The following CAMKMT variants were observed in gnomAD, a reference collection of about 807,000 sequenced individuals.
The protein encoded by CAMKMT is calmodulin-lysine N-methyltransferase.
In CAMKMT, 53 loss-of-function variants were observed where a neutral mutation model predicts 48.0. The observed-to-expected ratio is 1.10, with a 90% CI of 0.89 to 1.39. CAMKMT has a LOEUF of 1.39. Among genes scored for constraint, CAMKMT ranks in the 40% most tolerant of loss-of-function variants. The pLI is 0.00. For synonymous variants in CAMKMT, 165 were observed against 152.3 expected, an observed-to-expected ratio of 1.08 and a Z score of -0.61; for missense variants, 428 against 402.7, an observed-to-expected ratio of 1.06 and a Z score of -0.54.
chr2:44,753,442 A>G (rs2104388523), intron 8 of CAMKMT, among the ~76,000 whole-genome samples: 1 of 151,146 alleles, frequency 6.6e-6, no homozygotes. Context: ...CAAAGAAAAG[A>G]AAAAAAACAA....
intron 9 of CAMKMT, among the ~76,000 whole-genome samples, chr2:44,761,726 C>T (rs190156082): frequency 2.0e-5 from 3 of 152,214 alleles, no homozygotes; most frequent in Admixed American, 6.5e-5. Context: ...AGCTTTATTT[C>T]GAAAGTGACA....
At position 44,663,184 on chromosome 2, in the gene CAMKMT, A is replaced by G. The variant is rs546797459; in HGVS notation, c.377-41099A>G. ...CATGATCCACACTCAAGTCTCACCA[A>G]TTATCCCACTAAGGTCCTTTATAGT... On this transcript the variant is annotated intron_variant, in intron 3 of 10. Transcript: ENST00000378494. Among the ~76,000 whole-genome samples, 12 of 152,326 alleles carry G rather than the reference A, an allele frequency of 7.9e-5. No homozygotes were observed. The South Asian group carries it at 1.9e-3, about 24-fold the overall frequency.
At chr2:44,376,112 A>G (rs1162911030) in intron 2 of CAMKMT, among the ~76,000 whole-genome samples, 4 of 151,942 alleles carry the variant, frequency 2.6e-5, no homozygotes, top group Admixed American at 1.3e-4. Context: ...TTAAGGGGCT[A>G]AGCATTGGAG....
At chr2:44,496,652 G>C (rs1487925558) in intron 3 of CAMKMT, among the ~76,000 whole-genome samples, 1 of 152,148 alleles carries the variant, frequency 6.6e-6, no homozygotes, top group Non-Finnish European at 1.5e-5. Flanking sequence ...ATTAATATCT[G>C]GTGGTCTTCT....
At chr2:44,756,906 A>G (rs1049449968) in intron 9 of CAMKMT, among the ~76,000 whole-genome samples, 5 of 152,188 alleles carry the variant, frequency 3.3e-5, no homozygotes, top group Non-Finnish European at 7.3e-5. Flanking sequence ...TCAAGTTCAT[A>G]GTGTGGCCCC....
chr2:44,422,196 G>A (rs1014535286), intron 3 of CAMKMT, among the ~76,000 whole-genome samples: 46 of 152,132 alleles, frequency 3.0e-4, no homozygotes, highest in African/African-American at 9.9e-4. Context: ...GTAGCTCCTC[G>A]CTTGCACTGT....
At chr2:44,363,760 G>A (rs1678281462) in intron 1 of CAMKMT, among the ~76,000 whole-genome samples, 1 of 149,846 alleles carries the variant, frequency 6.7e-6, no homozygotes, top group Admixed American at 6.7e-5. Context: ...CGCAATCTCG[G>A]CTCACTGCAG....
intron 3 of CAMKMT, among the ~76,000 whole-genome samples, chr2:44,682,058 G>A (rs1304167890): frequency 6.6e-6 from 1 of 152,152 alleles, no homozygotes; most frequent in African/African-American, 2.4e-5. Context: ...AATATTAAAA[G>A]TCCAAAGATG....
chr2:44,466,741 C>G lies in CAMKMT; in HGVS notation c.376+76436C>G, dbSNP rs772125987. The stretch of plus-strand genomic sequence containing the variant: ...AACTAAGATGGCTTTTAGAAAATAT[C>G]AACAAAATTGACTAGCCATTAGCTA... On this transcript the variant is annotated intron_variant, in intron 3 of 10. Transcript: ENST00000378494. Among the ~76,000 whole-genome samples the G allele has an allele frequency of 9.4e-4, 142 of 151,796 alleles. 1 individual carries two copies. The highest frequency in any genetic ancestry group is 4.6e-4 in the Non-Finnish European group (31 of 67,882).
chr2:44,407,053 T>C (rs1558585939), intron 3 of CAMKMT, among the ~76,000 whole-genome samples: 1 of 152,324 alleles, frequency 6.6e-6, no homozygotes, highest in Non-Finnish European at 1.5e-5. Flanking sequence ...CCAAAAGTGG[T>C]CATGCCTCTT....
chr2:44,705,285 C>A, intron 4 of CAMKMT: 3 of 897,882 alleles, frequency 3.3e-6, no homozygotes, highest in Non-Finnish European at 2.7e-6. Flanking sequence ...ACCTCTCCCT[C>A]TCTTTTAATT....
intron 3 of CAMKMT, among the ~76,000 whole-genome samples, chr2:44,480,454 A>G (rs1158840440): frequency 2.0e-5 from 3 of 152,238 alleles, no homozygotes; most frequent in Non-Finnish European, 4.4e-5. Flanking sequence ...AAAATGCTAA[A>G]TAAAACTAGT....
intron 3 of CAMKMT, among the ~76,000 whole-genome samples, chr2:44,580,716 C>T (rs1669508516): frequency 6.6e-6 from 1 of 152,124 alleles, no homozygotes; most frequent in Non-Finnish European, 1.5e-5. Flanking sequence ...AATAACAGTG[C>T]AATCATAGCA....
intron 3 of CAMKMT, among the ~76,000 whole-genome samples, chr2:44,606,331 A>G (rs1389286741): frequency 1.3e-5 from 2 of 152,212 alleles, no homozygotes; most frequent in Admixed American, 1.3e-4. Context: ...TGAAACGATT[A>G]CCTCTCAAAA....
At chr2:44,395,740 T>C (rs1243522962) in intron 3 of CAMKMT, among the ~76,000 whole-genome samples, 2 of 152,168 alleles carry the variant, frequency 1.3e-5, no homozygotes, top group Non-Finnish European at 2.9e-5. Context: ...AGTATTTGTA[T>C]TTTTTATGGT....
At chr2:44,428,898 G>A (rs1684455422) in intron 3 of CAMKMT, among the ~76,000 whole-genome samples, 1 of 152,234 alleles carries the variant, frequency 6.6e-6, no homozygotes, top group Non-Finnish European at 1.5e-5. Flanking sequence ...TCTGGGCAAT[G>A]TGCTCTGCTT....
At chr2:44,732,804 C>T (rs1679152922) in intron 7 of CAMKMT, among the ~76,000 whole-genome samples, 2 of 152,106 alleles carry the variant, frequency 1.3e-5, no homozygotes, top group Admixed American at 1.3e-4. Context: ...TCTGGGAGTT[C>T]TTTATATATT....
chr2:44,731,231 C>T (rs1679063230), intron 7 of CAMKMT, among the ~76,000 whole-genome samples: 1 of 152,084 alleles, frequency 6.6e-6, no homozygotes, highest in Admixed American at 6.5e-5. Context: ...ATTTCAGCTA[C>T]TAGGGAGGCT....
intron 3 of CAMKMT, among the ~76,000 whole-genome samples, chr2:44,601,461 A>C (rs1440038703): frequency 6.6e-6 from 1 of 152,080 alleles, no homozygotes; most frequent in Non-Finnish European, 1.5e-5. Flanking sequence ...TGTCTCAAAA[A>C]AATAATGATA....
Sources: gnomAD v4.1 joint callset for allele counts (sites outside exome capture counted in the v4.1 genomes callset) on GRCh38, gnomAD v4.1.1 for gene constraint, MANE v1.5 for transcripts, NCBI Gene and HGNC (gene_info 2026-07-23, HGNC 2026-07-21) for gene names.